The following GSE1 variants were observed in gnomAD, a reference collection of about 807,000 sequenced individuals.
The protein encoded by GSE1 is Gse1 coiled-coil protein.
In GSE1, 32 loss-of-function variants were observed where a neutral mutation model predicts 112.6. The ratio of observed to expected loss-of-function variants is 0.28; its 90% CI spans 0.21 to 0.38. The LOEUF is 0.38. Ranked by LOEUF, GSE1 falls within the 10% of genes least tolerant of loss-of-function variation. The pLI is 1.00. For missense variants in GSE1, 2,348 were observed against 1,699.2 expected, an observed-to-expected ratio of 1.38 and a Z score of -6.71; for synonymous variants, 1,115 against 735.6, an observed-to-expected ratio of 1.52 and a Z score of -8.35.
intron 1 of GSE1, among the ~76,000 whole-genome samples, chr16:85,187,273 C>G (rs968335444): frequency 2.0e-5 from 3 of 152,210 alleles, no homozygotes; most frequent in Admixed American, 6.5e-5. Context: ...AATGCAGCGT[C>G]AGCAGCAGCA....
chr16:85,560,285 G>A (rs1200637368), intron 1 of GSE1, among the ~76,000 whole-genome samples: 4 of 151,930 alleles, frequency 2.6e-5, no homozygotes, highest in Admixed American at 6.5e-5. Context: ...ACGGGAGTGC[G>A]CCACCACGCC....
chr16:85,437,002 C>T (rs2049262751), intron 2 of GSE1, among the ~76,000 whole-genome samples: 1 of 152,192 alleles, frequency 6.6e-6, no homozygotes, highest in Non-Finnish European at 1.5e-5. Flanking sequence ...GGAGCCCGGG[C>T]AGAGGCCTAC....
At chr16:85,329,917 CA>C (rs1186581942) in intron 1 of GSE1, among the ~76,000 whole-genome samples, 1 of 71,612 alleles carries the variant, frequency 1.4e-5, no homozygotes, top group Non-Finnish European at 2.7e-5. Flanking sequence ...TAGGGGGATG[CA>C]GGGGGCAAGA....
chr16:85,400,070 C>G (rs1447435412), intron 2 of GSE1, among the ~76,000 whole-genome samples: 2 of 152,234 alleles, frequency 1.3e-5, no homozygotes, highest in African/African-American at 2.4e-5. Flanking sequence ...CACGGCCACA[C>G]GGAGCTACTG....
At position 85,419,923 on chromosome 16, in the gene GSE1, G is replaced by A. The variant is rs2048792995; in HGVS notation, c.2464+62280G>A. 6.6e-6 allele frequency among the ~76,000 whole-genome samples: 1 copy of A among 152,242 alleles called. No individual in the cohort carries two copies. The highest frequency in any genetic ancestry group is 2.4e-5 in the African/African-American group (1 of 41,458). ...GGACTGGGCTGGAACAGAACTGAGG[G>A]ACAGCAGGGGCAAAGTCTGAGCTAG... On this transcript the variant is annotated intron_variant, in intron 2 of 2. Transcript: ENST00000637419. This position sits in a 1 kb window ranked among gnomAD's most constrained non-coding sequence, Gnocchi z 6.5.
chr16:85,499,521 T>G (rs1011626313), intron 2 of GSE1, among the ~76,000 whole-genome samples: 4 of 151,896 alleles, frequency 2.6e-5, no homozygotes, highest in Non-Finnish European at 4.4e-5. Flanking sequence ...CGTGTTAGGA[T>G]GGTCTCGATC....
upstream of GSE1, among the ~76,000 whole-genome samples, chr16:85,609,481 C>G (rs960203236): frequency 2.0e-5 from 3 of 152,172 alleles, no homozygotes; most frequent in African/African-American, 7.2e-5. Flanking sequence ...TGAAACACAG[C>G]CCAGGGTTTA....
intron 1 of GSE1, among the ~76,000 whole-genome samples, chr16:85,603,448 G>C (rs1343820303): frequency 6.6e-6 from 1 of 152,230 alleles, no homozygotes; most frequent in African/African-American, 2.4e-5. Flanking sequence ...GAAACTACAG[G>C]CCCTGCCCTG....
At chr16:85,502,868 G>C (rs7500038) in intron 2 of GSE1, among the ~76,000 whole-genome samples, 3 of 152,320 alleles carry the variant, frequency 2.0e-5, no homozygotes, top group Non-Finnish European at 4.4e-5. Context: ...GAGCAAGCAG[G>C]GGGGTGAAAA....
chr16:85,555,114 G>A (rs1301976963), upstream of GSE1: 2 of 985,068 alleles, frequency 2.0e-6, no homozygotes, highest in Non-Finnish European at 2.4e-6. Context: ...AGCCGCCGCC[G>A]CCGCCGCCTT....
At chr16:85,488,654 C>T (rs1035516471) in intron 2 of GSE1, among the ~76,000 whole-genome samples, 14 of 152,018 alleles carry the variant, frequency 9.2e-5, no homozygotes, top group Non-Finnish European at 4.4e-5. Flanking sequence ...ACAGTCTTTC[C>T]GGAGGTCATG....
intron 2 of GSE1, among the ~76,000 whole-genome samples, chr16:85,477,956 C>T (rs1346479703): frequency 6.6e-6 from 1 of 152,104 alleles, no homozygotes; most frequent in Non-Finnish European, 1.5e-5. Flanking sequence ...GTTGAGTCAT[C>T]ACGACCTCAT....
chr16:85,599,234 G>T (rs59974506), intron 1 of GSE1, among the ~76,000 whole-genome samples: 1 of 152,284 alleles, frequency 6.6e-6, no homozygotes, highest in African/African-American at 2.4e-5. Context: ...GCTGCTTCAG[G>T]TTCTTTTGGA....
chr16:85,284,779 T>G (rs1419609071), intron 1 of GSE1, among the ~76,000 whole-genome samples: 1 of 152,096 alleles, frequency 6.6e-6, no homozygotes, highest in South Asian at 2.1e-4. Context: ...CACACACAGC[T>G]CACCTTCAGC....
intron 3 of GSE1, among the ~76,000 whole-genome samples, chr16:85,649,124 T>C (rs1000023662): frequency 1.3e-5 from 2 of 152,190 alleles, no homozygotes; most frequent in Admixed American, 6.5e-5. Flanking sequence ...GGTGTCTCCA[T>C]GTCTGGGTCC....
intron 1 of GSE1, among the ~76,000 whole-genome samples, chr16:85,253,044 T>C (rs1227924646): frequency 7.9e-5 from 9 of 114,628 alleles, no homozygotes; most frequent in East Asian, 2.8e-4. Flanking sequence ...CGGCTCCAGC[T>C]CATAGGCGCC....
At chr16:85,616,293 G>A (rs543425016) in intron 1 of GSE1, among the ~76,000 whole-genome samples, 1 of 152,388 alleles carries the variant, frequency 6.6e-6, no homozygotes, top group East Asian at 1.9e-4. Context: ...GAGCTGAGGG[G>A]CAGGAGCTGG....
In GSE1 at chr16:85,558,051, C is replaced by G. The variant is rs2045323665; in HGVS notation, c.37+1688C>G. Reference sequence around the variant, plus strand: ...CCCTCCCTCCCCTAGCGGATCCAATCCAAATTAGAACCGGGAATCCCCAAC... The same window carrying G: ...CCCTCCCTCCCCTAGCGGATCCAATGCAAATTAGAACCGGGAATCCCCAAC... On this transcript the variant is annotated intron_variant, in intron 1 of 2. Coordinates refer to the GSE1 transcript ENST00000635906. Among the ~76,000 whole-genome samples, 6 of 151,994 alleles carry G rather than the reference C, an allele frequency of 3.9e-5. No homozygotes were observed. In the South Asian group the frequency reaches 1.0e-3, roughly 26 times the overall value.
chr16:85,588,204 C>T (rs2046798489), intron 1 of GSE1, among the ~76,000 whole-genome samples: 1 of 152,212 alleles, frequency 6.6e-6, no homozygotes, highest in East Asian at 1.9e-4. Context: ...CAGGGTCAGC[C>T]AAAGAATGCA....
Sources: allele counts gnomAD v4.1 joint callset (sites outside exome capture counted in the v4.1 genomes callset), GRCh38; gene constraint gnomAD v4.1.1; non-coding constraint Gnocchi (gnomAD v3.1); transcripts MANE v1.5; gene names NCBI Gene and HGNC (gene_info 2026-07-23, HGNC 2026-07-21).